Variants in SLC4A5 observed in about 807,000 individuals in gnomAD.
SLC4A5 encodes solute carrier family 4 member 5.
A neutral mutation model predicts 120.4 loss-of-function variants in SLC4A5; 96 were observed. The observed-to-expected ratio is 0.80, with a 90% CI of 0.68 to 0.94. SLC4A5 has a LOEUF of 0.94. SLC4A5 is among the 40% of genes least tolerant of loss of function. The pLI is 0.00. For missense variants in SLC4A5, 1,259 were observed against 1,459.5 expected, an observed-to-expected ratio of 0.86 and a Z score of 2.24; for synonymous variants, 550 against 571.1, an observed-to-expected ratio of 0.96 and a Z score of 0.53.
chr2:74,296,706 T>G (rs1672339585), intron 7 of SLC4A5, among the ~76,000 whole-genome samples: 1 of 150,822 alleles, frequency 6.6e-6, no homozygotes, highest in Non-Finnish European at 1.5e-5. Context: ...GGAGAATTGC[T>G]TGAACCTGGA....
chr2:74,264,063 G>A, intron 10 of SLC4A5, 84 bp downstream of exon 10: 4 of 1,497,900 alleles, frequency 2.7e-6, no homozygotes, highest in Non-Finnish European at 3.6e-6. Flanking sequence ...GAAACTCCCA[G>A]CCCCTAAGGT....
chr2:74,265,208 T>C, exon 9 of SLC4A5: 1 of 1,614,232 alleles, frequency 6.2e-7, no homozygotes, highest in African/African-American at 1.3e-5. Flanking sequence ...TGTGGACACG[T>C]GGGGCTTGCT....
intron 14 of SLC4A5, among the ~76,000 whole-genome samples, chr2:74,254,389 C>G (rs553689609): frequency 2.6e-5 from 4 of 152,328 alleles, no homozygotes; most frequent in Admixed American, 6.5e-5. Flanking sequence ...ACCCCCTGGG[C>G]AGCTAGCACA....
intron 8 of SLC4A5, among the ~76,000 whole-genome samples, chr2:74,275,056 C>A (rs996997007): frequency 6.6e-6 from 1 of 152,196 alleles, no homozygotes; most frequent in Non-Finnish European, 1.5e-5. Flanking sequence ...GAATGAAAGT[C>A]TTTCCTTTTG....
At chr2:74,249,386 A>T (rs1670720467) in intron 17 of SLC4A5, among the ~76,000 whole-genome samples, 1 of 152,220 alleles carries the variant, frequency 6.6e-6, no homozygotes, top group African/African-American at 2.4e-5. Flanking sequence ...TCCCAGGAAG[A>T]GGGAATAGTG....
chr2:74,245,970 C>A (rs1670596949), intron 19 of SLC4A5, among the ~76,000 whole-genome samples: 1 of 152,138 alleles, frequency 6.6e-6, no homozygotes, highest in Non-Finnish European at 1.5e-5. Flanking sequence ...CTTGGCATGA[C>A]CTTGGGTGGT....
intron 19 of SLC4A5, among the ~76,000 whole-genome samples, chr2:74,245,065 G>A (rs900826693): frequency 6.6e-6 from 1 of 152,142 alleles, no homozygotes; most frequent in African/African-American, 2.4e-5. Context: ...TCACCCCTGA[G>A]TTCCCAGCAC....
chr2:74,285,639 G>A, intron 8 of SLC4A5, 134 bp downstream of exon 8: 1 of 995,556 alleles, frequency 1.0e-6, no homozygotes, highest in Non-Finnish European at 1.5e-6. Context: ...GGACACCAAG[G>A]AAGGCAGCTG....
intron 7 of SLC4A5, among the ~76,000 whole-genome samples, chr2:74,289,247 C>T (rs1672082383): frequency 6.6e-6 from 1 of 152,162 alleles, no homozygotes; most frequent in South Asian, 2.1e-4. Context: ...ATTTTACTAG[C>T]AGAACACACT....
At chr2:74,282,780 C>T (rs1671854248) in intron 8 of SLC4A5, among the ~76,000 whole-genome samples, 1 of 152,198 alleles carries the variant, frequency 6.6e-6, no homozygotes, top group Middle Eastern at 3.2e-3. Flanking sequence ...TCCTGGCAAC[C>T]ATGGCTAGGG....
At chr2:74,287,130 T>C (rs1245447350) in intron 7 of SLC4A5, among the ~76,000 whole-genome samples, 3 of 152,360 alleles carry the variant, frequency 2.0e-5, no homozygotes, top group Non-Finnish European at 4.4e-5. Context: ...TCCTCCAGCC[T>C]GTTTCCTCAG....
chr2:74,233,468 G>A (rs1367227810), exon 23 of SLC4A5: 8 of 1,614,116 alleles, frequency 5.0e-6, no homozygotes, highest in Non-Finnish European at 5.9e-6. Flanking sequence ...AGATCAGGAT[G>A]GTCACCAGCA....
At position 74,252,463 on chromosome 2, in the gene SLC4A5, A is replaced by C. The variant is rs1670824713; in HGVS notation, c.1269-75T>G. 30 of 1,533,420 alleles carry C rather than the reference A, an allele frequency of 2.0e-5. No individual in the cohort carries two copies. In the South Asian group the frequency reaches 3.5e-4, roughly 18 times the overall value. The allele number at this position is 1,533,420 out of a possible 1,614,324, so 95.0% of individuals were successfully genotyped here. On this transcript the variant is annotated intron_variant, in intron 15 of 30. Coordinates refer to ENST00000394019, the Ensembl canonical transcript of SLC4A5. The stretch of plus-strand genomic sequence containing the variant: ...ACCTCTCCAACCAAAATTATGAAAT[A>C]TCTTAAAAGACAGACAAAAATGCAG...
At chr2:74,265,289 G>T in intron 8 of SLC4A5, 25 bp from the exon 9 acceptor site, 1 of 1,609,528 alleles carries the variant, frequency 6.2e-7, no homozygotes, top group Non-Finnish European at 8.5e-7. Flanking sequence ...ATGGGGCTCA[G>T]TGTGGCCAGG....
At chr2:74,248,637 C>T in intron 17 of SLC4A5, 151 bp from the exon 18 acceptor site, 1 of 866,048 alleles carries the variant, frequency 1.2e-6, no homozygotes, top group Non-Finnish European at 1.7e-6. Context: ...TTCTCCATCT[C>T]CTACACCCTC....
intron 8 of SLC4A5, among the ~76,000 whole-genome samples, chr2:74,266,441 G>C (rs1367910284): frequency 6.6e-6 from 1 of 152,038 alleles, no homozygotes; most frequent in Non-Finnish European, 1.5e-5. Flanking sequence ...GCTAATTTTT[G>C]TATTTTTTGT....
chr2:74,224,845 C>A lies in SLC4A5; in HGVS notation c.3241G>T (p.Glu1081Ter). Residue 1081 changes from glutamate (E) to a stop codon, truncating the protein, a stop_gained, in exon 28 of 31, where the codon GAG becomes TAG. Coordinates refer to ENST00000394019, the Ensembl canonical transcript of SLC4A5. LOFTEE classifies it high-confidence loss of function. Reference sequence around the variant, plus strand: ...CGGCCTCACATCTTCCCCACCTCCTCATCACAGTCCTCGTGGGCCCCTTTT... The same window carrying A: ...CGGCCTCACATCTTCCCCACCTCCTAATCACAGTCCTCGTGGGCCCCTTTT... 1.2e-6 allele frequency: 2 copies of A among 1,610,076 alleles called. No individual in the cohort carries two copies.
chr2:74,260,934 T>G (rs1310983154), intron 11 of SLC4A5, among the ~76,000 whole-genome samples: 2 of 152,222 alleles, frequency 1.3e-5, no homozygotes, highest in African/African-American at 4.8e-5. Flanking sequence ...GACTAATGTT[T>G]TTATTTTCAT....
chr2:74,282,312 T>G (rs887598198), intron 8 of SLC4A5, among the ~76,000 whole-genome samples: 1 of 152,244 alleles, frequency 6.6e-6, no homozygotes, highest in Non-Finnish European at 1.5e-5. Context: ...AGAAAGCTAC[T>G]CTCTTCCCAC....
Sources: gnomAD v4.1 joint callset for allele counts (sites outside exome capture counted in the v4.1 genomes callset) on GRCh38, gnomAD v4.1.1 for gene constraint, MANE v1.5 for transcripts, NCBI Gene and HGNC (gene_info 2026-07-23, HGNC 2026-07-21) for gene names.